The following NREP variants were observed in gnomAD, a reference collection of about 807,000 sequenced individuals.
The protein encoded by NREP is neuronal regeneration-related protein.
NREP carries 5 observed loss-of-function variants against 8.6 expected under a neutral mutation model. The observed-to-expected ratio is 0.58, with a 90% CI of 0.30 to 1.22. The LOEUF is 1.22. Ranked by LOEUF, NREP falls within the 50% of genes most tolerant of loss-of-function variation. The probability of loss-of-function intolerance (pLI) is 0.07; values close to 1 mark genes in which losing one functional copy is unlikely to be tolerated. For synonymous variants in NREP, 27 were observed against 28.0 expected (o/e 0.96, Z 0.11); for missense variants, 86 against 82.5 (o/e 1.04, Z -0.17).
At chr5:111,823,087 A>G (rs1440323253) in intron 2 of NREP, among the ~76,000 whole-genome samples, 2 of 152,198 alleles carry the variant, frequency 1.3e-5, no homozygotes, top group Non-Finnish European at 2.9e-5. Context: ...TCATGGGGGA[A>G]GACTAAGGGG....
At chr5:111,948,836 C>T (rs1376202028) in intron 2 of NREP, 2 of 151,976 alleles carry the variant, frequency 1.3e-5, no homozygotes, top group East Asian at 1.9e-4. Flanking sequence ...TAAGGCATTT[C>T]CAATTTTTTC....
Position 111,783,782 on chromosome 5 carries a change from C to T in NREP, c.136-48275G>A, listed in dbSNP as rs116579583. On this transcript the variant is annotated intron_variant, in intron 2 of 3. Coordinates refer to the NREP transcript ENST00000395634. ...CCAATTTTGTTTTGTAAATATCTGTCTGCCTTTAGATAGAGACTCTGTCTT... is the reference window on the plus strand; with the variant it reads ...CCAATTTTGTTTTGTAAATATCTGTTTGCCTTTAGATAGAGACTCTGTCTT... Among the ~76,000 whole-genome samples, 620 of 152,256 alleles carry T rather than the reference C, an allele frequency of 4.1e-3. 1 individual carries two copies. Among genetic ancestry groups the T allele is most frequent in the African/African-American group, 0.014 (575 of 41,556 alleles).
chr5:111,953,321 G>T (rs1756217962), intron 2 of NREP, among the ~76,000 whole-genome samples: 1 of 152,062 alleles, frequency 6.6e-6, no homozygotes, highest in African/African-American at 2.4e-5. Flanking sequence ...AGTGGGCATG[G>T]GATATCTTGG....
At chr5:111,931,241 T>C (rs1363351862) in intron 2 of NREP, among the ~76,000 whole-genome samples, 3 of 152,076 alleles carry the variant, frequency 2.0e-5, no homozygotes, top group Non-Finnish European at 4.4e-5. Context: ...TGGATTTAGC[T>C]AGATTGAGTG....
At chr5:111,841,841 C>G (rs754479625) in intron 2 of NREP, among the ~76,000 whole-genome samples, 19 of 152,046 alleles carry the variant, frequency 1.2e-4, no homozygotes, top group Non-Finnish European at 2.6e-4. Context: ...AACATTTCAG[C>G]TTTTGCTTAC....
chr5:111,932,423 T>C (rs1287846979), intron 2 of NREP, among the ~76,000 whole-genome samples: 2 of 152,136 alleles, frequency 1.3e-5, no homozygotes, highest in Non-Finnish European at 1.5e-5. Flanking sequence ...ACATTCATTA[T>C]CTGAGTAATC....
intron 2 of NREP, among the ~76,000 whole-genome samples, chr5:111,901,543 T>G (rs1754647398): frequency 1.3e-5 from 2 of 152,046 alleles, no homozygotes; most frequent in African/African-American, 2.4e-5. Context: ...GCAGATGACA[T>G]GATCTTATAT....
chr5:111,876,607 T>A (rs1358993730), intron 2 of NREP, among the ~76,000 whole-genome samples: 1 of 152,140 alleles, frequency 6.6e-6, no homozygotes, highest in Admixed American at 6.6e-5. Context: ...AAAAAGAAAA[T>A]GCAATCTGCC....
chr5:111,904,665 C>T (rs1392708829), intron 2 of NREP, among the ~76,000 whole-genome samples: 3 of 152,064 alleles, frequency 2.0e-5, no homozygotes, highest in East Asian at 3.9e-4. Flanking sequence ...TAAAATGTGG[C>T]TCCATGGTAT....
At chr5:111,870,226 T>C (rs1438478677) in intron 2 of NREP, among the ~76,000 whole-genome samples, 1 of 152,146 alleles carries the variant, frequency 6.6e-6, no homozygotes, top group Non-Finnish European at 1.5e-5. Context: ...GGTCAGGAGT[T>C]TGAGACCAGC....
At chr5:111,839,814 G>C (rs1171011450) in intron 2 of NREP, among the ~76,000 whole-genome samples, 1 of 152,016 alleles carries the variant, frequency 6.6e-6, no homozygotes, top group Non-Finnish European at 1.5e-5. Flanking sequence ...AATCTGCATA[G>C]TATTTTTTAC....
chr5:111,882,587 T>C (rs1009301877), intron 2 of NREP, among the ~76,000 whole-genome samples: 7 of 152,282 alleles, frequency 4.6e-5, no homozygotes, highest in South Asian at 2.1e-4. Context: ...AGAGAAAGGC[T>C]GGGTTACCCA....
At chr5:111,874,553 T>C (rs559716523) in intron 2 of NREP, among the ~76,000 whole-genome samples, 1 of 152,268 alleles carries the variant, frequency 6.6e-6, no homozygotes, top group Non-Finnish European at 1.5e-5. Context: ...GATTGGCTTG[T>C]TGGGACTGGC....
chr5:111,735,574 A>G, intron 2 of NREP, 67 bp from the exon 3 acceptor site: 1 of 1,128,164 alleles, frequency 8.9e-7, no homozygotes, highest in Non-Finnish European at 1.3e-6. Context: ...TACACGGGAT[A>G]ACCTTAATGA....
At chr5:111,900,337 TTAAAA>T (rs1754616327) in intron 2 of NREP, among the ~76,000 whole-genome samples, 1 of 150,284 alleles carries the variant, frequency 6.7e-6, no homozygotes, top group Non-Finnish European at 1.5e-5. Flanking sequence ...GTAGAAAAAA[TTAAAA>T]TAAACAGTCT....
intron 2 of NREP, among the ~76,000 whole-genome samples, chr5:111,964,508 A>C (rs916754015): frequency 6.6e-6 from 1 of 152,108 alleles, no homozygotes; most frequent in Non-Finnish European, 1.5e-5. Context: ...CTAGGATTAC[A>C]GGTGTGTGCC....
intron 2 of NREP, chr5:111,846,008 C>T (rs1471255644): frequency 4.5e-5 from 7 of 153,854 alleles, no homozygotes; most frequent in African/African-American, 1.2e-4. Flanking sequence ...GAATATTAAG[C>T]TGCTACCCAA....
At chr5:111,929,186 C>T (rs145560544) in intron 2 of NREP, among the ~76,000 whole-genome samples, 43 of 152,208 alleles carry the variant, frequency 2.8e-4, no homozygotes, top group African/African-American at 8.9e-4. Context: ...TAACTTTTTA[C>T]GGGGCCCTAG....
chr5:111,760,756 T>A (rs970385314), upstream of NREP, among the ~76,000 whole-genome samples: 1 of 152,152 alleles, frequency 6.6e-6, no homozygotes, highest in African/African-American at 2.4e-5. Flanking sequence ...CCAGATGGTA[T>A]AAGAAAATAA....
Sources: allele counts gnomAD v4.1 joint callset (sites outside exome capture counted in the v4.1 genomes callset), GRCh38; gene constraint gnomAD v4.1.1; transcripts MANE v1.5; gene names NCBI Gene and HGNC (gene_info 2026-07-23, HGNC 2026-07-21).